WDR59: variants seen among roughly 807,000 people sequenced by gnomAD.
WDR59 encodes GATOR2 complex protein WDR59.
In WDR59, 100 loss-of-function variants were observed where a neutral mutation model predicts 131.2. That is an observed-to-expected ratio of 0.76 (90% confidence interval 0.65 to 0.90). The LOEUF (loss-of-function observed/expected upper bound fraction) is 0.90. Ranked by LOEUF, WDR59 falls within the 40% of genes least tolerant of loss-of-function variation. The pLI is 0.00. For missense variants in WDR59, 1,203 were observed against 1,262.2 expected, an observed-to-expected ratio of 0.95 and a Z score of 0.71; for synonymous variants, 601 against 466.2, an observed-to-expected ratio of 1.29 and a Z score of -3.72.
chr16:74,896,775 C>A (rs1373036010), intron 18 of WDR59, among the ~76,000 whole-genome samples: 1 of 152,086 alleles, frequency 6.6e-6, no homozygotes, highest in Non-Finnish European at 1.5e-5. Flanking sequence ...GACACAAGTC[C>A]AAGTATACAA....
chr16:74,918,809 G>T (rs564382720), intron 10 of WDR59, among the ~76,000 whole-genome samples: 1 of 152,282 alleles, frequency 6.6e-6, no homozygotes, highest in East Asian at 1.9e-4. Context: ...AATATGATCT[G>T]TCCAAGGTCA....
intron 13 of WDR59, among the ~76,000 whole-genome samples, chr16:74,913,211 A>G (rs1434208731): frequency 6.6e-6 from 1 of 151,100 alleles, no homozygotes; most frequent in African/African-American, 2.4e-5. Flanking sequence ...GACAAACAAC[A>G]CAGAGGGTCA....
chr16:74,960,502 T>C (rs1453262882), intron 2 of WDR59, among the ~76,000 whole-genome samples: 1 of 151,820 alleles, frequency 6.6e-6, no homozygotes, highest in Non-Finnish European at 1.5e-5. Context: ...CCCAGCACTT[T>C]GGGAGGCTGA....
chr16:74,906,984 A>G (rs1468106091), intron 17 of WDR59, among the ~76,000 whole-genome samples: 3 of 152,200 alleles, frequency 2.0e-5, no homozygotes, highest in African/African-American at 7.2e-5. Context: ...AAACATTCTA[A>G]TAGGAACATT....
intron 8 of WDR59, among the ~76,000 whole-genome samples, chr16:74,937,625 C>A (rs2031906968): frequency 6.6e-6 from 1 of 152,068 alleles, no homozygotes; most frequent in African/African-American, 2.4e-5. Flanking sequence ...TCTCAGCCTC[C>A]CAAGTAGATG....
At chr16:74,958,592 CAAAAAAAAAA>C (rs747175030) in intron 2 of WDR59, among the ~76,000 whole-genome samples, 3,138 of 13,248 alleles carry the variant, frequency 0.24, 142 homozygotes, top group Middle Eastern at 0.5. Flanking sequence ...GACTCCATCT[CAAAAAAAAAA>C]AAAAAAAAAA....
chr16:74,956,658 TA>T, intron 2 of WDR59, 48 bp from the exon 3 acceptor site: 1 of 1,593,042 alleles, frequency 6.3e-7, no homozygotes, highest in Non-Finnish European at 8.6e-7. Flanking sequence ...ACAACATCAT[TA>T]GCATTAAGAT....
chr16:74,888,796 T>C (rs9924741), intron 21 of WDR59, among the ~76,000 whole-genome samples: 2,740 of 152,290 alleles, frequency 0.018, 58 homozygotes, highest in African/African-American at 0.06. Flanking sequence ...GGCAATCGAC[T>C]CTGGAGGTGC....
intron 1 of WDR59, among the ~76,000 whole-genome samples, chr16:74,967,991 C>T (rs929918703): frequency 6.6e-6 from 1 of 151,986 alleles, no homozygotes; most frequent in African/African-American, 2.4e-5. Flanking sequence ...AATTCTGATA[C>T]ATGCTACAAC....
chr16:74,916,873 G>A (rs1298067448), intron 11 of WDR59, among the ~76,000 whole-genome samples: 3 of 139,462 alleles, frequency 2.2e-5, no homozygotes, highest in Admixed American at 7.3e-5. Context: ...AAAAAAAAAC[G>A]AAAACCATAA....
At position 74,951,439 on chromosome 16, in the gene WDR59, G is replaced by A; in HGVS notation, c.326+19C>T. On this transcript the variant is annotated intron_variant, in intron 4 of 25. Transcript: ENST00000262144. ...GACAAAGCAAGACAGCCAAAGAGCT[G>A]TGGAGGGCTGGTGCCTACCTGATGA... is the stretch of plus-strand genomic sequence containing the variant. 1.3e-6 allele frequency: 2 copies of A among 1,582,890 alleles called. No individual in the cohort carries two copies. Among genetic ancestry groups the A allele is most frequent in the South Asian group, 2.3e-5 (2 of 86,308 alleles).
rs546549989 is a variant in WDR59, at chr16:74,922,530, C to T, written c.730-427G>A. ...TAATTCTTGCCACGTGGAAATGCACCAGAAAAACGCCATCCACATGAAGCA... is the reference window on the plus strand; with the variant it reads ...TAATTCTTGCCACGTGGAAATGCACTAGAAAAACGCCATCCACATGAAGCA... On this transcript the variant is annotated intron_variant, in intron 9 of 25. Coordinates refer to ENST00000262144, the MANE Select transcript of WDR59 (RefSeq NM_030581.4). Among the ~76,000 whole-genome samples, 247 of 152,268 alleles carry T rather than the reference C, an allele frequency of 1.6e-3. 6 individuals are homozygous for T. In the South Asian group the frequency reaches 0.049, roughly 30 times the overall value.
At chr16:74,913,608 C>T (rs1021751649) in intron 13 of WDR59, among the ~76,000 whole-genome samples, 16 of 152,046 alleles carry the variant, frequency 1.1e-4, no homozygotes, top group Non-Finnish European at 2.4e-4. Flanking sequence ...CTGACTTTAA[C>T]AAAGCTTCCT....
At chr16:74,949,820 G>A (rs749197507) in intron 4 of WDR59, 22 bp from the exon 5 acceptor site, 4 of 1,612,326 alleles carry the variant, frequency 2.5e-6, no homozygotes, top group East Asian at 4.5e-5. Flanking sequence ...AGAATAAACA[G>A]AACAAAGAAA....
At chr16:74,905,466 G>C (rs1965758597) in intron 17 of WDR59, among the ~76,000 whole-genome samples, 1 of 151,414 alleles carries the variant, frequency 6.6e-6, no homozygotes, top group African/African-American at 2.4e-5. Flanking sequence ...CAGATCACGA[G>C]GTCAGGAAAT....
chr16:74,975,316 G>A (rs1048938708), intron 1 of WDR59, among the ~76,000 whole-genome samples: 1 of 151,640 alleles, frequency 6.6e-6, no homozygotes, highest in Non-Finnish European at 1.5e-5. Context: ...AGCCTATATC[G>A]CGCCACTGCA....
rs552415858 is a variant in WDR59, at chr16:74,928,497, G to T, written c.652-4494C>A. Among the ~76,000 whole-genome samples the T allele has an allele frequency of 3.8e-4, 58 of 152,126 alleles. 1 individual carries two copies. The highest frequency in any genetic ancestry group is 2.3e-3 in the South Asian group (11 of 4,822). ...ACCTCCCAAAGTGCTGAGATTACAG[G>T]TATGAGCCACTGCGCCCAGCTTTTT... On this transcript the variant is annotated intron_variant, in intron 8 of 25. Transcript: ENST00000262144.
intron 18 of WDR59, chr16:74,899,790 G>A (rs755533894): frequency 3.1e-6 from 4 of 1,272,038 alleles, no homozygotes; most frequent in Non-Finnish European, 3.1e-6. Flanking sequence ...GAGGAGGGAA[G>A]AAAAACACCA....
intron 1 of WDR59, among the ~76,000 whole-genome samples, chr16:74,975,238 G>C (rs1192673418): frequency 6.6e-6 from 1 of 152,082 alleles, no homozygotes; most frequent in African/African-American, 2.4e-5. Context: ...GCACACACCT[G>C]TAATTCCAGC....
Sources: gnomAD v4.1 joint callset for allele counts (sites outside exome capture counted in the v4.1 genomes callset) on GRCh38, gnomAD v4.1.1 for gene constraint, MANE v1.5 for transcripts, NCBI Gene and HGNC (gene_info 2026-07-23, HGNC 2026-07-21) for gene names.